SNTG1: variants seen among roughly 807,000 people sequenced by gnomAD.
The protein encoded by SNTG1 is gamma-1-syntrophin.
A neutral mutation model predicts 74.7 loss-of-function variants in SNTG1; 39 were observed. That is an observed-to-expected ratio of 0.52 (90% CI 0.40 to 0.68). The LOEUF (loss-of-function observed/expected upper bound fraction) is 0.68, where lower values mean the gene tolerates loss of function less well. SNTG1 is among the 30% of genes least tolerant of loss of function. SNTG1 has a pLI of 0.00. For synonymous variants in SNTG1, 254 were observed against 217.1 expected (o/e 1.17, Z -1.49); for missense variants, 685 against 609.5 (o/e 1.12, Z -1.30).
At chr8:50,467,908 G>C (rs562312620) in intron 8 of SNTG1, among the ~76,000 whole-genome samples, 1 of 151,936 alleles carries the variant, frequency 6.6e-6, no homozygotes, top group African/African-American at 2.4e-5. Context: ...ATATAGAAGA[G>C]TACTGATTAA....
chr8:50,307,854 T>G (rs2089963244), intron 2 of SNTG1, among the ~76,000 whole-genome samples: 1 of 152,174 alleles, frequency 6.6e-6, no homozygotes. Context: ...AGGCTTGTTT[T>G]TCTAGCTTCA....
chr8:50,436,732 T>A (rs1452613666), intron 4 of SNTG1, among the ~76,000 whole-genome samples: 1 of 152,146 alleles, frequency 6.6e-6, no homozygotes, highest in Non-Finnish European at 1.5e-5. Context: ...TAACAAATAT[T>A]AATTAATTAT....
At chr8:50,116,755 G>T (rs890111342) in intron 1 of SNTG1, among the ~76,000 whole-genome samples, 1 of 152,124 alleles carries the variant, frequency 6.6e-6, no homozygotes, top group Non-Finnish European at 1.5e-5. Context: ...TTTGCTTGAG[G>T]AGTGCAGGGG....
At chr8:50,496,298 G>A (rs2093903717) in intron 8 of SNTG1, among the ~76,000 whole-genome samples, 1 of 152,142 alleles carries the variant, frequency 6.6e-6, no homozygotes, top group African/African-American at 2.4e-5. Flanking sequence ...GACATCATAT[G>A]AGGCCAGTTA....
intron 1 of SNTG1, among the ~76,000 whole-genome samples, chr8:50,104,188 T>G (rs1270641609): frequency 1.3e-5 from 2 of 152,178 alleles, no homozygotes; most frequent in Non-Finnish European, 2.9e-5. Context: ...ATCCATCTGG[T>G]CTTGGACTCT....
intron 1 of SNTG1, among the ~76,000 whole-genome samples, chr8:50,015,534 A>C (rs767451048): frequency 2.0e-5 from 3 of 152,126 alleles, no homozygotes; most frequent in Non-Finnish European, 2.9e-5. Context: ...TAATGTACAC[A>C]TTCAAGATAC....
At chr8:50,143,192 A>C (rs780995763) in intron 1 of SNTG1, among the ~76,000 whole-genome samples, 8 of 152,224 alleles carry the variant, frequency 5.3e-5, no homozygotes, top group Non-Finnish European at 8.8e-5. Context: ...AGAATGTTCC[A>C]TGTGGGAAAT....
intron 13 of SNTG1, 75 bp from the exon 14 acceptor site, chr8:50,656,834 C>T: frequency 3.3e-6 from 3 of 905,948 alleles, no homozygotes; most frequent in Admixed American, 2.3e-5. Context: ...TTAATATTTG[C>T]ATCTAAATAT....
At chr8:50,446,952 A>C (rs764914701) in intron 5 of SNTG1, among the ~76,000 whole-genome samples, 9 of 152,228 alleles carry the variant, frequency 5.9e-5, no homozygotes. Flanking sequence ...TTTATAAATT[A>C]GCATAGTAAA....
chr8:49,958,280 G>T (rs1810362540), intron 1 of SNTG1, among the ~76,000 whole-genome samples: 1 of 152,168 alleles, frequency 6.6e-6, no homozygotes, highest in African/African-American at 2.4e-5. Flanking sequence ...GCACATACCT[G>T]CGGACAGAAT....
intron 2 of SNTG1, among the ~76,000 whole-genome samples, chr8:50,280,307 G>A (rs1411065879): frequency 6.6e-6 from 1 of 152,166 alleles, no homozygotes; most frequent in Admixed American, 6.5e-5. Context: ...ACCAATTTCT[G>A]CATTTGGAGG....
chr8:50,776,427 T>C (rs1480252567), intron 18 of SNTG1, among the ~76,000 whole-genome samples: 2 of 147,396 alleles, frequency 1.4e-5, no homozygotes, highest in Non-Finnish European at 3.0e-5. Context: ...TAGCTTATAA[T>C]ATTTATATGT....
At chr8:50,364,650 G>T (rs1429683649) in intron 2 of SNTG1, among the ~76,000 whole-genome samples, 2 of 151,742 alleles carry the variant, frequency 1.3e-5, no homozygotes, top group African/African-American at 4.8e-5. Flanking sequence ...CTGTAAAAAG[G>T]GTTAATATGA....
chr8:50,293,412 T>C (rs1403202269), intron 2 of SNTG1, among the ~76,000 whole-genome samples: 1 of 151,456 alleles, frequency 6.6e-6, no homozygotes, highest in Non-Finnish European at 1.5e-5. Context: ...TCTTTTTTTT[T>C]TTTTCTTTTT....
At chr8:50,453,376 G>T (rs1435373277) in intron 8 of SNTG1, among the ~76,000 whole-genome samples, 1 of 152,040 alleles carries the variant, frequency 6.6e-6, no homozygotes, top group Non-Finnish European at 1.5e-5. Flanking sequence ...TGAAGTCCTG[G>T]CTTCACCACA....
At chr8:50,463,105 A>G (rs10808836) in intron 8 of SNTG1, among the ~76,000 whole-genome samples, 110,136 of 151,930 alleles carry the variant, frequency 0.72, 41,529 homozygotes, top group East Asian at 0.85. Flanking sequence ...GTAAGCCACC[A>G]CGTCCAGCCC....
chr8:50,241,468 C>A lies in SNTG1; in HGVS notation c.-28+68833C>A, dbSNP rs144689479. On this transcript the variant is annotated intron_variant, in intron 2 of 18. Transcript: ENST00000642720. ...CTGTTGAATTTTAGTCTCTAGGCTGCCACAGTGACAAAGATGAAGCTATGC... is the reference window on the plus strand; with the variant it reads ...CTGTTGAATTTTAGTCTCTAGGCTGACACAGTGACAAAGATGAAGCTATGC... Among the ~76,000 whole-genome samples, 1,031 of 152,202 alleles carry A rather than the reference C, an allele frequency of 6.8e-3. 12 individuals are homozygous for A. The highest frequency in any genetic ancestry group is 0.023 in the African/African-American group (975 of 41,534).
At position 50,518,664 on chromosome 8, in the gene SNTG1, A is replaced by C. The variant is rs1006977526; in HGVS notation, c.467-11513A>C. 1.2e-4 allele frequency among the ~76,000 whole-genome samples: 18 copies of C among 152,220 alleles called. 1 individual carries two copies. Among genetic ancestry groups the C allele is most frequent in the African/African-American group, 4.3e-4 (18 of 41,462 alleles). ...AGAAATATATTACTACTATCAGAGA[A>C]TACTATAAACACCTCTATGCAAATA... is the stretch of plus-strand genomic sequence containing the variant. On this transcript the variant is annotated intron_variant, in intron 9 of 18. Transcript: ENST00000642720.
At chr8:50,740,494 T>G (rs1004497985) in intron 17 of SNTG1, among the ~76,000 whole-genome samples, 14 of 151,634 alleles carry the variant, frequency 9.2e-5, no homozygotes, top group Non-Finnish European at 1.3e-4. Flanking sequence ...ACAAAAACAA[T>G]GCTGACAAGG....
Sources: gnomAD v4.1 joint callset for allele counts (sites outside exome capture counted in the v4.1 genomes callset) on GRCh38, gnomAD v4.1.1 for gene constraint, MANE v1.5 for transcripts, NCBI Gene and HGNC (gene_info 2026-07-23, HGNC 2026-07-21) for gene names.